The following TLL2 variants were observed in gnomAD, a reference collection of about 807,000 sequenced individuals.
TLL2 encodes tolloid like 2.
TLL2 carries 106 observed loss-of-function variants against 123.0 expected under a neutral mutation model. The observed-to-expected ratio is 0.86, with a 90% CI of 0.74 to 1.01. TLL2 has a LOEUF of 1.01. TLL2 is among the 50% of genes least tolerant of loss of function. TLL2 has a pLI of 0.00. For missense variants in TLL2, 1,332 were observed against 1,336.7 expected (o/e 1.00, Z 0.06); for synonymous variants, 494 against 516.8 (o/e 0.96, Z 0.60).
Position 96,379,089 on chromosome 10 carries a change from T to C in TLL2, c.2198A>G (p.Lys733Arg), listed in dbSNP as rs1846163791. ...RGFRAHFFSD[K>R]DECAKDNGGC... ...GCCGTTGTCCTTGGCACACTCGTCC[T>C]TATCTGGGGAGATCAATGAACTCTT... Residue 733 changes from lysine (K) to arginine (R), a missense_variant, in exon 17 of 21, where the codon AAG (lysine) becomes AGG (arginine). Coordinates refer to ENST00000357947, the MANE Select transcript of TLL2 (RefSeq NM_012465.4). 1 of 1,613,538 alleles carries C rather than the reference T, an allele frequency of 6.2e-7. No individual in the cohort carries two copies. Among genetic ancestry groups the C allele is most frequent in the Non-Finnish European group, 8.5e-7 (1 of 1,179,502 alleles).
intron 9 of TLL2, among the ~76,000 whole-genome samples, chr10:96,408,256 A>T (rs1214044429): frequency 1.3e-5 from 2 of 152,240 alleles, no homozygotes; most frequent in Non-Finnish European, 2.9e-5. Context: ...GAATGGGATA[A>T]TTATTCAGGC....
At chr10:96,506,296 A>G (rs1034606078) in intron 1 of TLL2, among the ~76,000 whole-genome samples, 4 of 150,434 alleles carry the variant, frequency 2.7e-5, no homozygotes, top group African/African-American at 4.9e-5. Context: ...GGAAAGTGAC[A>G]AAGCTGAGAA....
Position 96,420,964 on chromosome 10 carries a change from G to A in TLL2, c.915C>T (p.Thr305=). 1 of 1,614,008 alleles carries A rather than the reference G, an allele frequency of 6.2e-7. No homozygotes were observed. The highest frequency in any genetic ancestry group is 8.5e-7 in the Non-Finnish European group (1 of 1,179,912). The change falls in exon 7 of 21, where the codon ACC becomes ACT. Residue 305 remains threonine, a synonymous_variant. Transcript: ENST00000357947. ...TAAGCATAGATTCCGACCTTGAGAA[G>A]GTGTTCCGGGCGTAGTGCATGATGC... ...FDSIMHYARN[T]FSRGVFLDTI...
At chr10:96,474,204 C>T (rs1298977366) in intron 2 of TLL2, among the ~76,000 whole-genome samples, 6 of 152,140 alleles carry the variant, frequency 3.9e-5, no homozygotes, top group Non-Finnish European at 8.8e-5. Flanking sequence ...CCTTTCTTGC[C>T]GCCTTGCCCC....
chr10:96,454,865 AT>A (rs1211226018), intron 2 of TLL2, among the ~76,000 whole-genome samples: 2 of 152,170 alleles, frequency 1.3e-5, no homozygotes, highest in Non-Finnish European at 2.9e-5. Context: ...AATAAGCCAT[AT>A]TTTATACCTG....
At chr10:96,404,637 A>G (rs1052762496) in intron 10 of TLL2, among the ~76,000 whole-genome samples, 4 of 151,116 alleles carry the variant, frequency 2.6e-5, no homozygotes, top group African/African-American at 9.7e-5. Context: ...TCCCCCCACC[A>G]CTCCTTATTT....
At chr10:96,450,954 A>G (rs1213955850) in intron 2 of TLL2, among the ~76,000 whole-genome samples, 2 of 152,186 alleles carry the variant, frequency 1.3e-5, no homozygotes, top group African/African-American at 4.8e-5. Context: ...TTAGTCACAG[A>G]GGTTTATTCA....
chr10:96,472,039 C>A (rs1231656626), intron 2 of TLL2, among the ~76,000 whole-genome samples: 1 of 152,114 alleles, frequency 6.6e-6, no homozygotes, highest in Non-Finnish European at 1.5e-5. Flanking sequence ...CTTCTCTGGA[C>A]CCCCTCCTCA....
chr10:96,480,697 T>C (rs769941286), intron 1 of TLL2, among the ~76,000 whole-genome samples: 10 of 152,178 alleles, frequency 6.6e-5, no homozygotes, highest in African/African-American at 1.7e-4. Flanking sequence ...CCTAAGTCTG[T>C]AAGGTATTTT....
At chr10:96,504,546 G>A (rs1346836713) in intron 1 of TLL2, among the ~76,000 whole-genome samples, 2 of 151,936 alleles carry the variant, frequency 1.3e-5, no homozygotes, top group African/African-American at 4.8e-5. Flanking sequence ...GGAGGCAGAG[G>A]TTGCAGTGAG....
At chr10:96,426,214 T>C (rs2134077890) in intron 5 of TLL2, among the ~76,000 whole-genome samples, 1 of 152,274 alleles carries the variant, frequency 6.6e-6, no homozygotes, top group South Asian at 2.1e-4. Flanking sequence ...TTGTATTCCC[T>C]AGATAAATGT....
At chr10:96,444,568 T>G (rs745427113) in intron 3 of TLL2, among the ~76,000 whole-genome samples, 1 of 152,204 alleles carries the variant, frequency 6.6e-6, no homozygotes, top group Non-Finnish European at 1.5e-5. Context: ...CATATATCTC[T>G]GTATATATAT....
intron 2 of TLL2, among the ~76,000 whole-genome samples, chr10:96,455,597 C>T (rs1564910678): frequency 1.3e-5 from 2 of 152,180 alleles, no homozygotes; most frequent in South Asian, 2.1e-4. Flanking sequence ...GACCTCTGGT[C>T]GTCCTCACTG....
chr10:96,492,546 C>A (rs1353664443), intron 1 of TLL2, among the ~76,000 whole-genome samples: 1 of 152,152 alleles, frequency 6.6e-6, no homozygotes, highest in East Asian at 1.9e-4. Flanking sequence ...ATTGCTTGAA[C>A]CCAGGAGGCA....
intron 4 of TLL2, among the ~76,000 whole-genome samples, chr10:96,429,916 C>G (rs892156407): frequency 6.6e-6 from 1 of 152,106 alleles, no homozygotes; most frequent in African/African-American, 2.4e-5. Flanking sequence ...TCAGTCAGTT[C>G]TTTTCAAAAT....
At chr10:96,496,991 CT>C (rs1311206578) in intron 1 of TLL2, among the ~76,000 whole-genome samples, 2 of 108,970 alleles carry the variant, frequency 1.8e-5, no homozygotes, top group African/African-American at 5.7e-5. Context: ...TGTAAGGATA[CT>C]AAAAATGGCC....
At chr10:96,486,577 A>AT (rs201164312) in intron 1 of TLL2, among the ~76,000 whole-genome samples, 2,745 of 152,304 alleles carry the variant, frequency 0.018, 66 homozygotes, top group South Asian at 0.1. Flanking sequence ...GGTTTTGTAC[A>AT]CAGTGGGATT....
chr10:96,395,749 T>C (rs2134062623), intron 12 of TLL2, 126 bp downstream of exon 12: 1 of 1,260,790 alleles, frequency 7.9e-7, no homozygotes, highest in Non-Finnish European at 1.1e-6. Flanking sequence ...CACAATTCAC[T>C]ATGGGCTTGA....
chr10:96,491,584 T>C (rs1265621640), intron 1 of TLL2, among the ~76,000 whole-genome samples: 2 of 152,224 alleles, frequency 1.3e-5, no homozygotes, highest in Non-Finnish European at 2.9e-5. Flanking sequence ...AAAATGTTTT[T>C]TGGAAATCAA....
Sources: gnomAD v4.1 joint callset for allele counts (sites outside exome capture counted in the v4.1 genomes callset) on GRCh38, gnomAD v4.1.1 for gene constraint, MANE v1.5 for transcripts, NCBI Gene and HGNC (gene_info 2026-07-23, HGNC 2026-07-21) for gene names.